The following MARK1 variants were observed in gnomAD, a reference collection of about 807,000 sequenced individuals.
MARK1 encodes microtubule affinity regulating kinase 1, also known as serine/threonine-protein kinase MARK1.
In MARK1, 40 loss-of-function variants were observed where a neutral mutation model predicts 96.3. The ratio of observed to expected loss-of-function variants is 0.42; its 90% CI spans 0.32 to 0.54. The LOEUF (loss-of-function observed/expected upper bound fraction) is 0.54. Ranked by LOEUF, MARK1 falls within the 20% of genes least tolerant of loss-of-function variation. MARK1 has a pLI of 0.16. For synonymous variants in MARK1, 317 were observed against 341.2 expected (o/e 0.93, Z 0.78); for missense variants, 719 against 984.6 (o/e 0.73, Z 3.61).
chr1:220,630,467 T>C (rs1667627360), intron 9 of MARK1, among the ~76,000 whole-genome samples: 1 of 152,012 alleles, frequency 6.6e-6, no homozygotes, highest in Non-Finnish European at 1.5e-5. Context: ...TTAATCTGAC[T>C]CTGGTAATTC....
At chr1:220,549,112 G>A (rs1232462812) in intron 1 of MARK1, among the ~76,000 whole-genome samples, 1 of 152,148 alleles carries the variant, frequency 6.6e-6, no homozygotes, top group East Asian at 1.9e-4. Context: ...ATTGCCCTTT[G>A]TATACCACAA....
At chr1:220,657,923 T>C (rs1453877565) in intron 17 of MARK1, 89 bp downstream of exon 17, 2 of 920,444 alleles carry the variant, frequency 2.2e-6, no homozygotes, top group East Asian at 3.2e-5. Context: ...TGATCATGAA[T>C]AGATCTAATA....
chr1:220,595,915 G>T (rs1409125454), intron 3 of MARK1, among the ~76,000 whole-genome samples: 3 of 152,134 alleles, frequency 2.0e-5, no homozygotes, highest in Non-Finnish European at 2.9e-5. Flanking sequence ...TTCAAGAGAT[G>T]GTGTTGTTAA....
At chr1:220,555,597 C>A (rs1662192165) in intron 1 of MARK1, among the ~76,000 whole-genome samples, 1 of 152,102 alleles carries the variant, frequency 6.6e-6, no homozygotes, top group African/African-American at 2.4e-5. Context: ...CCAAAAATAA[C>A]TAATTGATTT....
intron 9 of MARK1, among the ~76,000 whole-genome samples, chr1:220,628,975 A>C (rs1667513172): frequency 6.6e-6 from 1 of 151,816 alleles, no homozygotes. Context: ...AATCCAGCAC[A>C]GCAGTATTCT....
At chr1:220,592,209 A>T (rs1424697943) in intron 3 of MARK1, among the ~76,000 whole-genome samples, 1 of 138,342 alleles carries the variant, frequency 7.2e-6, no homozygotes, top group Non-Finnish European at 1.5e-5. Flanking sequence ...TTTCACTGTC[A>T]TGATTATATC....
At chr1:220,570,399 A>G (rs1663359620) in intron 1 of MARK1, among the ~76,000 whole-genome samples, 1 of 152,170 alleles carries the variant, frequency 6.6e-6, no homozygotes. Context: ...TACCAGCTGC[A>G]GAAAGAGAAT....
Position 220,540,528 on chromosome 1 carries a change from C to G in MARK1, c.51+11655C>G, listed in dbSNP as rs539824454. ...TATTTTGCCAGCTATCTGAGCATTC[C>G]TCAGCCCAGTCAAATTGACATATAA... On this transcript the variant is annotated intron_variant, in intron 1 of 17. Coordinates refer to ENST00000366917, the MANE Select transcript of MARK1 (RefSeq NM_018650.5). 5.9e-5 allele frequency among the ~76,000 whole-genome samples: 9 copies of G among 152,282 alleles called. No homozygotes were observed. In the South Asian group the frequency reaches 1.9e-3, roughly 32 times the overall value.
intron 9 of MARK1, among the ~76,000 whole-genome samples, chr1:220,619,170 A>G (rs79110334): frequency 0.011 from 1,713 of 152,336 alleles, 25 homozygotes; most frequent in African/African-American, 0.039. Context: ...TCTGACATTG[A>G]TATCTAGCAT....
intron 1 of MARK1, among the ~76,000 whole-genome samples, chr1:220,571,162 G>A (rs959932429): frequency 1.3e-5 from 2 of 152,156 alleles, no homozygotes; most frequent in East Asian, 3.8e-4. Flanking sequence ...TTATTGGCCA[G>A]TTTGCAGAAG....
intron 1 of MARK1, among the ~76,000 whole-genome samples, chr1:220,568,098 T>C (rs1172666824): frequency 6.6e-6 from 1 of 152,206 alleles, no homozygotes; most frequent in Non-Finnish European, 1.5e-5. Context: ...AAAATATTGT[T>C]AAATTATTGT....
chr1:220,567,888 G>A (rs930117967), intron 1 of MARK1, among the ~76,000 whole-genome samples: 9 of 151,960 alleles, frequency 5.9e-5, no homozygotes, highest in Non-Finnish European at 1.3e-4. Context: ...TTACCACATG[G>A]CCCCTGCTTT....
At chr1:220,545,439 GTTTTTTTTTTT>G (rs35422682) in intron 1 of MARK1, among the ~76,000 whole-genome samples, 1 of 87,260 alleles carries the variant, frequency 1.1e-5, no homozygotes, top group East Asian at 3.9e-4. Context: ...CTTTCTCATG[GTTTTTTTTTTT>G]TTTTTTTTTT....
intron 1 of MARK1, among the ~76,000 whole-genome samples, chr1:220,535,175 A>T (rs1341633977): frequency 6.6e-6 from 1 of 152,156 alleles, no homozygotes; most frequent in East Asian, 1.9e-4. Flanking sequence ...CATTTCCACC[A>T]ACAGTGCACA....
intron 13 of MARK1, among the ~76,000 whole-genome samples, chr1:220,642,190 A>G (rs1428995422): frequency 6.6e-6 from 1 of 152,194 alleles, no homozygotes; most frequent in Non-Finnish European, 1.5e-5. Context: ...ACTGACTTGG[A>G]ATCCCCACTG....
At chr1:220,622,800 G>A (rs1305907331) in intron 9 of MARK1, among the ~76,000 whole-genome samples, 1 of 152,160 alleles carries the variant, frequency 6.6e-6, no homozygotes, top group East Asian at 1.9e-4. Flanking sequence ...CACGAGGATT[G>A]CTTGAGCCCA....
At chr1:220,657,564 C>T (rs1669240799) in intron 16 of MARK1, among the ~76,000 whole-genome samples, 1 of 152,110 alleles carries the variant, frequency 6.6e-6, no homozygotes, top group South Asian at 2.1e-4. Flanking sequence ...TTCAAACTTT[C>T]ACCTCATATT....
chr1:220,640,384 T>C (rs1668201020), intron 13 of MARK1, among the ~76,000 whole-genome samples: 1 of 152,260 alleles, frequency 6.6e-6, no homozygotes, highest in African/African-American at 2.4e-5. Context: ...AATATTAGTT[T>C]AGTATCTTGA....
intron 7 of MARK1, among the ~76,000 whole-genome samples, chr1:220,617,961 C>T (rs1572183022): frequency 1.3e-5 from 2 of 152,092 alleles, no homozygotes; most frequent in African/African-American, 4.8e-5. Context: ...GTATTATGTT[C>T]TTTAGAGTAG....
Sources: gnomAD v4.1 joint callset for allele counts (sites outside exome capture counted in the v4.1 genomes callset) on GRCh38, gnomAD v4.1.1 for gene constraint, MANE v1.5 for transcripts, NCBI Gene and HGNC (gene_info 2026-07-23, HGNC 2026-07-21) for gene names.